The following PRKN variants were observed in gnomAD, a reference collection of about 807,000 sequenced individuals.
PRKN encodes E3 ubiquitin-protein ligase parkin.
In PRKN, 56 loss-of-function variants were observed where a neutral mutation model predicts 59.5. The ratio of observed to expected loss-of-function variants is 0.94; its 90% CI spans 0.76 to 1.18. PRKN has a LOEUF of 1.18. PRKN is among the 50% of genes most tolerant of loss of function. The probability of loss-of-function intolerance (pLI) is 0.00; values close to 1 mark genes in which losing one functional copy is unlikely to be tolerated. For missense variants in PRKN, 657 were observed against 596.4 expected, an observed-to-expected ratio of 1.10 and a Z score of -1.06; for synonymous variants, 250 against 222.1, an observed-to-expected ratio of 1.13 and a Z score of -1.12.
intron 3 of PRKN, among the ~76,000 whole-genome samples, chr6:162,218,788 T>C (rs1381593681): frequency 2.6e-5 from 4 of 152,118 alleles, no homozygotes; most frequent in African/African-American, 7.2e-5. Flanking sequence ...ATAATGCACA[T>C]GGGCCTCCAC....
At chr6:161,837,143 C>T (rs917189564) in intron 6 of PRKN, among the ~76,000 whole-genome samples, 2 of 152,116 alleles carry the variant, frequency 1.3e-5, no homozygotes, top group Non-Finnish European at 2.9e-5. Flanking sequence ...AGAAAATGTC[C>T]TGTAGCCTCC....
intron 5 of PRKN, among the ~76,000 whole-genome samples, chr6:162,002,171 T>C (rs1462674299): frequency 1.3e-5 from 2 of 152,156 alleles, no homozygotes; most frequent in South Asian, 4.1e-4. Flanking sequence ...GCTGGCTTCA[T>C]AGAGGGAATT....
intron 4 of PRKN, among the ~76,000 whole-genome samples, chr6:162,178,482 C>T (rs1394755648): frequency 6.6e-6 from 1 of 152,132 alleles, no homozygotes; most frequent in Non-Finnish European, 1.5e-5. Flanking sequence ...GCCTATGGCT[C>T]CGGTGCTCCA....
chr6:162,237,514 G>C (rs1460420049), intron 3 of PRKN, among the ~76,000 whole-genome samples: 11 of 152,160 alleles, frequency 7.2e-5, no homozygotes, highest in Non-Finnish European at 5.9e-5. Context: ...TGTTAGGAAT[G>C]AGAAGTGCTC....
chr6:161,523,546 C>T (rs1462767554), intron 9 of PRKN, among the ~76,000 whole-genome samples: 1 of 152,100 alleles, frequency 6.6e-6, no homozygotes, highest in Admixed American at 6.6e-5. Context: ...GACACAAAAT[C>T]GCAAAATAAC....
chr6:161,632,105 CAATT>C (rs1783336478), intron 7 of PRKN, among the ~76,000 whole-genome samples: 1 of 152,100 alleles, frequency 6.6e-6, no homozygotes, highest in Non-Finnish European at 1.5e-5. Context: ...CTCCTGTTTC[CAATT>C]AAAAGAGACT....
intron 7 of PRKN, among the ~76,000 whole-genome samples, chr6:161,731,705 T>A (rs1341815423): frequency 6.6e-6 from 1 of 151,540 alleles, no homozygotes; most frequent in Non-Finnish European, 1.5e-5. Flanking sequence ...TTAAACTCTA[T>A]AAAGATAAAC....
chr6:162,136,052 A>T (rs1781551192), intron 4 of PRKN, among the ~76,000 whole-genome samples: 1 of 151,410 alleles, frequency 6.6e-6, no homozygotes, highest in African/African-American at 2.4e-5. Context: ...TATTTTAGGA[A>T]AGAAACATGT....
chr6:161,773,578 A>T (rs1428629317), intron 7 of PRKN, among the ~76,000 whole-genome samples: 1 of 152,144 alleles, frequency 6.6e-6, no homozygotes, highest in Non-Finnish European at 1.5e-5. Flanking sequence ...TGTTTTGAGC[A>T]ACTTTTGTAG....
chr6:162,201,200 T>C lies in PRKN; in HGVS notation c.465A>G (p.Gln155=). The C allele has an allele frequency of 6.2e-7, 1 of 1,614,072 alleles. No individual in the cohort carries two copies. The highest frequency in any genetic ancestry group is 8.5e-7 in the Non-Finnish European group (1 of 1,179,962). Residue 155 remains glutamine, a synonymous_variant, in exon 4 of 12, where the codon CAA becomes CAG. Transcript: ENST00000366898. The part of the protein sequence containing the change: ...SFYVYCKGPC[Q]RVQPGKLRVQ... Reference sequence around the variant, plus strand: ...CCCTGAGTTTTCCCGGCTGCACTCTTTGACAGGGGCCTTTGCAATACACAT... The same window carrying C: ...CCCTGAGTTTTCCCGGCTGCACTCTCTGACAGGGGCCTTTGCAATACACAT...
chr6:161,652,159 A>C (rs1008354872), intron 7 of PRKN, among the ~76,000 whole-genome samples: 2 of 152,346 alleles, frequency 1.3e-5, no homozygotes, highest in Non-Finnish European at 2.9e-5. Context: ...AAAGCATCTC[A>C]ATCACTCATA....
intron 10 of PRKN, among the ~76,000 whole-genome samples, chr6:161,384,944 G>C (rs905619742): frequency 7.2e-5 from 11 of 152,120 alleles, no homozygotes; most frequent in African/African-American, 2.7e-4. Context: ...TTTTTTGAGG[G>C]GGTGGGGATG....
At chr6:162,044,648 C>T (rs1047719218) in intron 5 of PRKN, among the ~76,000 whole-genome samples, 3 of 152,204 alleles carry the variant, frequency 2.0e-5, no homozygotes, top group African/African-American at 7.2e-5. Flanking sequence ...CAGTCTGGCA[C>T]AGAGCAAGTG....
chr6:162,399,009 TTATGAAAAATGGGAC>T (rs1299317809), intron 2 of PRKN, among the ~76,000 whole-genome samples: 1 of 152,182 alleles, frequency 6.6e-6, no homozygotes, highest in Admixed American at 6.6e-5. Context: ...TCAGGAAGTA[TTATGAAAAATGGGAC>T]TATGAAAAAT....
intron 7 of PRKN, among the ~76,000 whole-genome samples, chr6:161,625,862 T>A (rs956860626): frequency 3.9e-5 from 6 of 152,140 alleles, no homozygotes; most frequent in Non-Finnish European, 8.8e-5. Flanking sequence ...GTCACAAAAT[T>A]TCCTTACAAA....
In PRKN at chr6:162,313,975, A is replaced by G. The variant is rs1782642117; in HGVS notation, c.172-51210T>C. Among the ~76,000 whole-genome samples, 3 of 152,306 alleles carry G rather than the reference A, an allele frequency of 2.0e-5. No homozygotes were observed. In the South Asian group the frequency reaches 6.2e-4, roughly 32 times the overall value. On this transcript the variant is annotated intron_variant, in intron 2 of 11. Coordinates refer to ENST00000366898, the MANE Select transcript of PRKN (RefSeq NM_004562.3). ...TTTTGAAACTTTTAAAAATCATTTC[A>G]TTGTTAGGCACAACTGACAAAAAGA...
At chr6:162,057,684 T>C (rs1228614601) in intron 4 of PRKN, among the ~76,000 whole-genome samples, 1 of 152,214 alleles carries the variant, frequency 6.6e-6, no homozygotes, top group Non-Finnish European at 1.5e-5. Flanking sequence ...ACAAAAACTT[T>C]GAACTATAGT....
At chr6:162,683,433 A>C (rs888370691) in intron 1 of PRKN, among the ~76,000 whole-genome samples, 2 of 152,160 alleles carry the variant, frequency 1.3e-5, no homozygotes, top group African/African-American at 2.4e-5. Context: ...GATAATTCAT[A>C]AGATGCAAGA....
chr6:162,551,757 A>G (rs1779340669), intron 1 of PRKN, among the ~76,000 whole-genome samples: 1 of 152,112 alleles, frequency 6.6e-6, no homozygotes, highest in Non-Finnish European at 1.5e-5. Flanking sequence ...GAAACAGACC[A>G]TTTCTTCTCT....
Sources: gnomAD v4.1 joint callset for allele counts (sites outside exome capture counted in the v4.1 genomes callset) on GRCh38, gnomAD v4.1.1 for gene constraint, MANE v1.5 for transcripts, NCBI Gene and HGNC (gene_info 2026-07-23, HGNC 2026-07-21) for gene names.